Variants in CCDC172 observed in about 807,000 individuals in gnomAD.
CCDC172 encodes coiled-coil domain containing 172.
CCDC172 carries 30 observed loss-of-function variants against 38.0 expected under a neutral mutation model. That is an observed-to-expected ratio of 0.79 (90% CI 0.59 to 1.07). The LOEUF (loss-of-function observed/expected upper bound fraction) is 1.07. CCDC172 is among the 50% of genes least tolerant of loss of function. The probability of loss-of-function intolerance (pLI) is 0.00; values close to 1 mark genes in which losing one functional copy is unlikely to be tolerated. For synonymous variants in CCDC172, 78 were observed against 88.3 expected (o/e 0.88, Z 0.66); for missense variants, 297 against 290.1 (o/e 1.02, Z -0.17).
intron 5 of CCDC172, among the ~76,000 whole-genome samples, chr10:116,351,317 C>A (rs1844928298): frequency 6.6e-6 from 1 of 151,998 alleles, no homozygotes; most frequent in South Asian, 2.1e-4. Context: ...ATTAAGGGAG[C>A]AGAAGGATAA....
intron 5 of CCDC172, among the ~76,000 whole-genome samples, chr10:116,348,678 G>A (rs1844895674): frequency 1.3e-5 from 2 of 151,814 alleles, no homozygotes; most frequent in Non-Finnish European, 2.9e-5. Context: ...GTTTAAATAT[G>A]GCAAACCAAG....
chr10:116,344,494 A>G (rs551069702), intron 5 of CCDC172, among the ~76,000 whole-genome samples: 4 of 152,276 alleles, frequency 2.6e-5, no homozygotes, highest in Admixed American at 6.5e-5. Context: ...AAAAATCTCT[A>G]TAGGGCACCT....
intron 7 of CCDC172, among the ~76,000 whole-genome samples, chr10:116,373,633 T>C (rs886217185): frequency 6.6e-6 from 1 of 152,136 alleles, no homozygotes; most frequent in African/African-American, 2.4e-5. Flanking sequence ...GCCACCCAAG[T>C]AGCTGGGATT....
At chr10:116,377,181 A>C (rs1290507019) in intron 7 of CCDC172, among the ~76,000 whole-genome samples, 3 of 152,214 alleles carry the variant, frequency 2.0e-5, no homozygotes, top group Non-Finnish European at 4.4e-5. Context: ...CTTAAAGTAT[A>C]ATAAAAAAAT....
At chr10:116,378,921 T>C (rs556295185) in intron 8 of CCDC172, among the ~76,000 whole-genome samples, 3 of 152,268 alleles carry the variant, frequency 2.0e-5, no homozygotes, top group South Asian at 2.1e-4. Flanking sequence ...AACTTTCTTA[T>C]TGCGTATTTG....
rs1845290457 is a variant in CCDC172 at position 116,379,768 on chromosome 10, TC to T, written c.*411del. On this transcript the variant is annotated 3_prime_UTR_variant, in exon 9 of 9. Transcript: ENST00000333254. ...TGGGTCCTGATAGGAGGTGATTGGG[TC>T]ATGGGGGTGGGTTTCTCATGAATAG... 1 of 155,804 alleles carries T rather than the reference TC, an allele frequency of 6.4e-6. No individual in the cohort carries two copies. The allele number at this position is 155,804 out of a possible 1,614,324, so 9.7% of individuals were successfully genotyped here. A position where few individuals can be genotyped will look rare whatever the true frequency, so the allele number is the denominator to read the frequency against.
intron 7 of CCDC172, among the ~76,000 whole-genome samples, chr10:116,364,902 A>C (rs901721137): frequency 1.3e-5 from 2 of 152,154 alleles, no homozygotes; most frequent in Non-Finnish European, 2.9e-5. Context: ...TGTCTCTGAG[A>C]GGTAACTGAA....
chr10:116,341,211 C>T (rs1331262474), intron 4 of CCDC172, among the ~76,000 whole-genome samples: 2 of 151,980 alleles, frequency 1.3e-5, no homozygotes, highest in South Asian at 4.1e-4. Flanking sequence ...TATTGTTAAT[C>T]TTTTTCTGTT....
intron 7 of CCDC172, among the ~76,000 whole-genome samples, chr10:116,359,647 A>G (rs1270725798): frequency 6.6e-6 from 1 of 152,190 alleles, no homozygotes; most frequent in African/African-American, 2.4e-5. Context: ...GGGGGTTGCA[A>G]AGTCCCCCCA....
At chr10:116,344,880 A>G (rs575633189) in intron 5 of CCDC172, among the ~76,000 whole-genome samples, 1 of 151,318 alleles carries the variant, frequency 6.6e-6, no homozygotes, top group Non-Finnish European at 1.5e-5. Context: ...AAAAAAAAAA[A>G]ACCTAAAACA....
At chr10:116,349,163 G>T (rs1303022682) in intron 5 of CCDC172, among the ~76,000 whole-genome samples, 1 of 152,168 alleles carries the variant, frequency 6.6e-6, no homozygotes, top group Non-Finnish European at 1.5e-5. Flanking sequence ...GTCACCCCCA[G>T]ATGGGACGGT....
Position 116,360,547 on chromosome 10 carries a change from T to C in CCDC172, c.653+2609T>C, listed in dbSNP as rs189940521. ...GAATGGATTATTTTCATTCCTATCT[T>C]TTTCTTCGATGTGGAAAAAGCTTTA... On this transcript the variant is annotated intron_variant, in intron 7 of 8. Transcript: ENST00000333254. Among the ~76,000 whole-genome samples the C allele has an allele frequency of 2.6e-5, 4 of 152,340 alleles. No individual in the cohort carries two copies. The East Asian group carries it at 7.7e-4, about 29-fold the overall frequency.
At chr10:116,345,303 A>G (rs962968182) in intron 5 of CCDC172, among the ~76,000 whole-genome samples, 12 of 152,192 alleles carry the variant, frequency 7.9e-5, no homozygotes, top group Non-Finnish European at 1.5e-4. Context: ...TTGCAAAACA[A>G]TGATCCTTAA....
At chr10:116,368,372 T>C (rs1234825138) in intron 7 of CCDC172, among the ~76,000 whole-genome samples, 1 of 152,114 alleles carries the variant, frequency 6.6e-6, no homozygotes, top group Non-Finnish European at 1.5e-5. Context: ...TATGTATTTA[T>C]TAATTGGTAA....
Position 116,325,050 on chromosome 10 carries a change from C to T in CCDC172, c.39C>T (p.Thr13=), listed in dbSNP as rs1261359308. The T allele has an allele frequency of 6.2e-7, 1 of 1,614,058 alleles. No homozygotes were observed. The highest frequency in any genetic ancestry group is 2.2e-5 in the East Asian group (1 of 44,868). The change falls in exon 2 of 9, where the codon ACC becomes ACT. Residue 13 remains threonine, a synonymous_variant. Coordinates refer to ENST00000333254, the MANE Select transcript of CCDC172 (RefSeq NM_198515.3). ...LESLFQHIIF[T]EHQAEESRRL... is the part of the protein sequence containing the mutation. ...CCCTGTTTCAGCACATCATCTTCAC[C>T]GAGCATCAGGCGGAGGAGAGTCGCC...
chr10:116,370,614 G>A (rs1024288268), intron 7 of CCDC172, among the ~76,000 whole-genome samples: 4 of 150,434 alleles, frequency 2.7e-5, no homozygotes, highest in Non-Finnish European at 4.4e-5. Context: ...AAGATAAATA[G>A]TAGGATTTAG....
chr10:116,334,173 C>G (rs1315071807), intron 3 of CCDC172, among the ~76,000 whole-genome samples: 2 of 152,190 alleles, frequency 1.3e-5, no homozygotes, highest in Non-Finnish European at 2.9e-5. Context: ...CTAAAATGTT[C>G]TTTTCGTTCT....
intron 5 of CCDC172, 112 bp downstream of exon 5, chr10:116,342,313 G>A (rs1844806099): frequency 8.7e-6 from 7 of 806,356 alleles, no homozygotes; most frequent in African/African-American, 1.8e-5. Flanking sequence ...TTATTGCATA[G>A]CGATTCTTTT....
At position 116,378,458 on chromosome 10, in the gene CCDC172, A is replaced by C; in HGVS notation, c.689A>C (p.Asp230Ala). The change falls in exon 8 of 9, where the codon GAC becomes GCC. Residue 230 changes from aspartate to alanine, a missense_variant. Transcript: ENST00000333254. ...KKELELYKED[D>A]MESVYEALQT... Reference sequence around the variant, plus strand: ...GAATTAGAACTTTATAAGGAAGATGACATGGAAAGTGTTTATGAAGCTCTC... The same window carrying C: ...GAATTAGAACTTTATAAGGAAGATGCCATGGAAAGTGTTTATGAAGCTCTC... The C allele has an allele frequency of 6.2e-7, 1 of 1,602,762 alleles. No individual in the cohort carries two copies. The highest frequency in any genetic ancestry group is 8.5e-7 in the Non-Finnish European group (1 of 1,176,080).
Sources: gnomAD v4.1 joint callset for allele counts (sites outside exome capture counted in the v4.1 genomes callset) on GRCh38, gnomAD v4.1.1 for gene constraint, MANE v1.5 for transcripts, NCBI Gene and HGNC (gene_info 2026-07-23, HGNC 2026-07-21) for gene names.